ATXN7L1: variants seen among roughly 807,000 people sequenced by gnomAD.
The protein encoded by ATXN7L1 is ataxin 7 like 1.
In ATXN7L1, 15 loss-of-function variants were observed where a neutral mutation model predicts 70.8. The ratio of observed to expected loss-of-function variants is 0.21; its 90% CI spans 0.14 to 0.33. The LOEUF (loss-of-function observed/expected upper bound fraction) is 0.33, where lower values mean the gene tolerates loss of function less well. ATXN7L1 is among the 10% of genes least tolerant of loss of function. The pLI is 1.00. For synonymous variants in ATXN7L1, 440 were observed against 445.1 expected (o/e 0.99, Z 0.14); for missense variants, 975 against 1,097.1 (o/e 0.89, Z 1.57).
chr7:105,797,338 C>T (rs747946712), intron 2 of ATXN7L1, among the ~76,000 whole-genome samples: 2 of 152,152 alleles, frequency 1.3e-5, no homozygotes, highest in Non-Finnish European at 2.9e-5. Context: ...GCCCCCGGAC[C>T]CCAACCCCAA....
chr7:105,691,460 A>G (rs979582014), intron 3 of ATXN7L1: 29 of 152,146 alleles, frequency 1.9e-4, no homozygotes, highest in Admixed American at 1.8e-3. Flanking sequence ...ACTCTTATGC[A>G]TCCCCGTTTC....
At chr7:105,706,286 C>G (rs1347738908) in intron 3 of ATXN7L1, among the ~76,000 whole-genome samples, 1 of 150,410 alleles carries the variant, frequency 6.6e-6, no homozygotes, top group Non-Finnish European at 1.5e-5. Context: ...CTCTGCCTCC[C>G]GGGTTCAAGT....
At chr7:105,618,867 C>T (rs530477570) in intron 9 of ATXN7L1, among the ~76,000 whole-genome samples, 1 of 152,290 alleles carries the variant, frequency 6.6e-6, no homozygotes, top group East Asian at 1.9e-4. Flanking sequence ...GGCTTCTTCC[C>T]TGTTTATGAA....
At chr7:105,833,253 G>A (rs1445315447) in intron 2 of ATXN7L1, among the ~76,000 whole-genome samples, 1 of 151,964 alleles carries the variant, frequency 6.6e-6, no homozygotes, top group African/African-American at 2.4e-5. Flanking sequence ...AGTCTCCCTT[G>A]ACCACCCACA....
rs1159680208 is a variant in ATXN7L1, at chr7:105,739,271, CA to C, written c.355+49332del. ...TGGGTTCAAATCCCATTTTTAATGG[CA>C]AAAACCACAATTACGTTTGCACCAA... is the stretch of plus-strand genomic sequence containing the variant. On this transcript the variant is annotated intron_variant, in intron 3 of 11. Coordinates refer to ENST00000419735, the MANE Select transcript of ATXN7L1 (RefSeq NM_020725.2). Among the ~76,000 whole-genome samples the C allele has an allele frequency of 2.0e-5, 3 of 152,242 alleles. No homozygotes were observed. The East Asian group carries it at 5.8e-4, about 29-fold the overall frequency.
chr7:105,688,447 G>A (rs753698313), intron 3 of ATXN7L1, among the ~76,000 whole-genome samples: 1 of 152,164 alleles, frequency 6.6e-6, no homozygotes, highest in African/African-American at 2.4e-5. Context: ...GGAGGGTGAG[G>A]TGGGAGGATC....
At position 105,611,938 on chromosome 7, in the gene ATXN7L1, C is replaced by A. The variant is rs1337095032; in HGVS notation, c.2473-1335G>T. On this transcript the variant is annotated intron_variant, in intron 10 of 11. Coordinates refer to ENST00000419735, the MANE Select transcript of ATXN7L1 (RefSeq NM_020725.2). Reference sequence around the variant, plus strand: ...CCTGCTGACAAGCACCGAGGTATCACCTGCGTTAGAGAACCAATGCTGACC... The same window carrying A: ...CCTGCTGACAAGCACCGAGGTATCAACTGCGTTAGAGAACCAATGCTGACC... Among the ~76,000 whole-genome samples the A allele has an allele frequency of 4.6e-5, 7 of 152,344 alleles. No individual in the cohort carries two copies. In the Middle Eastern group the frequency reaches 0.014, roughly 296 times the overall value.
intron 2 of ATXN7L1, among the ~76,000 whole-genome samples, chr7:105,860,167 A>ATATATG (rs1816397355): frequency 6.9e-6 from 1 of 143,894 alleles, no homozygotes; most frequent in Non-Finnish European, 1.5e-5. Context: ...ATATATATAT[A>ATATATG]TGAAAACAAG....
chr7:105,817,715 G>A (rs1396485569), intron 2 of ATXN7L1, among the ~76,000 whole-genome samples: 1 of 152,162 alleles, frequency 6.6e-6, no homozygotes, highest in Admixed American at 6.5e-5. Flanking sequence ...CTGGGAATTC[G>A]AGATCAGCCT....
chr7:105,789,756 T>TGA (rs1440895024), intron 2 of ATXN7L1, among the ~76,000 whole-genome samples: 1 of 151,730 alleles, frequency 6.6e-6, no homozygotes, highest in Non-Finnish European at 1.5e-5. Context: ...TTAAGAACAA[T>TGA]GAGAAGTACT....
chr7:105,623,808 T>C (rs1795276621), intron 8 of ATXN7L1, among the ~76,000 whole-genome samples: 1 of 152,224 alleles, frequency 6.6e-6, no homozygotes, highest in Admixed American at 6.5e-5. Context: ...GGGCCATAAA[T>C]ACTCGGGATT....
At chr7:105,841,303 T>A (rs1269178457) in intron 2 of ATXN7L1, among the ~76,000 whole-genome samples, 1 of 152,224 alleles carries the variant, frequency 6.6e-6, no homozygotes, top group African/African-American at 2.4e-5. Flanking sequence ...CTTGGACAAG[T>A]ACTCTGTTTC....
intron 9 of ATXN7L1, among the ~76,000 whole-genome samples, chr7:105,619,520 ATATATATATATTTTTTTTTTTTTT>A (rs1397869220): frequency 1.4e-3 from 27 of 19,042 alleles, no homozygotes; most frequent in African/African-American, 4.5e-3. Flanking sequence ...ATATATATAT[ATATATATATATTTTTTTTTTTTTT>A]TTTTTTTTTT....
intron 2 of ATXN7L1, among the ~76,000 whole-genome samples, chr7:105,801,167 T>A (rs896604079): frequency 6.6e-6 from 1 of 152,206 alleles, no homozygotes; most frequent in South Asian, 2.1e-4. Context: ...AGATTTTGCA[T>A]GGTGGGATTT....
At chr7:105,613,429 C>T in intron 10 of ATXN7L1, 1 of 972,870 alleles carries the variant, frequency 1.0e-6, no homozygotes, top group Admixed American at 5.4e-5. Flanking sequence ...CTGCCTGGGC[C>T]TCAAGCTCTT....
intron 3 of ATXN7L1, among the ~76,000 whole-genome samples, chr7:105,743,751 C>T (rs531461721): frequency 6.6e-6 from 1 of 152,172 alleles, no homozygotes; most frequent in East Asian, 1.9e-4. Context: ...AGCAAGACAC[C>T]CTGTGGTTCA....
chr7:105,723,150 T>C (rs557389528), intron 3 of ATXN7L1, among the ~76,000 whole-genome samples: 1 of 152,254 alleles, frequency 6.6e-6, no homozygotes, highest in East Asian at 1.9e-4. Flanking sequence ...CATACTGAGG[T>C]CTCTGCAAAG....
intron 3 of ATXN7L1, among the ~76,000 whole-genome samples, chr7:105,680,277 T>C (rs1281708680): frequency 6.6e-6 from 1 of 152,152 alleles, no homozygotes; most frequent in African/African-American, 2.4e-5. Context: ...TGACTGCCTA[T>C]GTAAGATGGT....
intron 2 of ATXN7L1, among the ~76,000 whole-genome samples, chr7:105,835,729 T>C (rs1166220563): frequency 2.6e-5 from 4 of 152,220 alleles, no homozygotes; most frequent in African/African-American, 4.8e-5. Flanking sequence ...CAAGAGCTTT[T>C]CTGACCCTTC....
Sources: gnomAD v4.1 joint callset for allele counts (sites outside exome capture counted in the v4.1 genomes callset) on GRCh38, gnomAD v4.1.1 for gene constraint, MANE v1.5 for transcripts, NCBI Gene and HGNC (gene_info 2026-07-23, HGNC 2026-07-21) for gene names.